Variants in ARNT2 observed in about 807,000 individuals in gnomAD.
ARNT2 encodes ARNT protein 2.
ARNT2 carries 36 observed loss-of-function variants against 91.7 expected under a neutral mutation model. That is an observed-to-expected ratio of 0.39 (90% confidence interval 0.30 to 0.52). The LOEUF (loss-of-function observed/expected upper bound fraction) is 0.52, where lower values mean the gene tolerates loss of function less well. ARNT2 is among the 20% of genes least tolerant of loss of function. The pLI is 0.72. For synonymous variants in ARNT2, 365 were observed against 347.1 expected, an observed-to-expected ratio of 1.05 and a Z score of -0.57; for missense variants, 775 against 939.3, an observed-to-expected ratio of 0.83 and a Z score of 2.29.
At chr15:80,445,471 G>A (rs1345819835) in intron 1 of ARNT2, among the ~76,000 whole-genome samples, 1 of 147,582 alleles carries the variant, frequency 6.8e-6, no homozygotes, top group Non-Finnish European at 1.5e-5. Flanking sequence ...TGTGAGTGAC[G>A]TGTGTGGGGG....
intron 5 of ARNT2, among the ~76,000 whole-genome samples, chr15:80,505,927 G>GATTTTTTTTTTTTTTTTT (rs1897266872): frequency 1.1e-5 from 1 of 88,930 alleles, no homozygotes; most frequent in Non-Finnish European, 2.2e-5. Context: ...AACATTTGTT[G>GATTTTTTTTTTTTTTTTT]TTTTTTTTTT....
intron 5 of ARNT2, among the ~76,000 whole-genome samples, chr15:80,477,626 G>C (rs1896826686): frequency 6.8e-6 from 1 of 147,552 alleles, no homozygotes; most frequent in Non-Finnish European, 1.5e-5. Flanking sequence ...TCTCTCCTCT[G>C]TGTGCACGAA....
intron 2 of ARNT2, among the ~76,000 whole-genome samples, chr15:80,454,572 T>G (rs1595970101): frequency 6.6e-6 from 1 of 152,212 alleles, no homozygotes; most frequent in Non-Finnish European, 1.5e-5. Context: ...CTTGGTGAAC[T>G]TTTATGTGCT....
chr15:80,565,518 C>T lies in ARNT2; in HGVS notation c.1316+2279C>T, dbSNP rs190196376. Reference sequence around the variant, plus strand: ...CTTTTCTCTGCAACCTTGCCAGCATCTGTTTTTGTTTTTGTTATTGTTTTT... The same window carrying T: ...CTTTTCTCTGCAACCTTGCCAGCATTTGTTTTTGTTTTTGTTATTGTTTTT... On this transcript the variant is annotated intron_variant, in intron 12 of 18. Transcript: ENST00000303329. Among the ~76,000 whole-genome samples the T allele has an allele frequency of 1.8e-3, 274 of 149,276 alleles. 2 individuals are homozygous for T. Among genetic ancestry groups the T allele is most frequent in the African/African-American group, 6.5e-3 (266 of 41,042 alleles).
intron 1 of ARNT2, among the ~76,000 whole-genome samples, chr15:80,417,452 T>A (rs979284917): frequency 7.9e-5 from 12 of 152,220 alleles, no homozygotes; most frequent in Admixed American, 6.5e-4. Flanking sequence ...GAGGTTATAA[T>A]TTGTCTGCAG....
In ARNT2 at chr15:80,575,019, T is replaced by A; in HGVS notation, c.1422T>A (p.His474Gln). 6.2e-7 allele frequency: 1 copy of A among 1,614,180 alleles called. No individual in the cohort carries two copies. Among genetic ancestry groups the A allele is most frequent in the Non-Finnish European group, 8.5e-7 (1 of 1,180,018 alleles). ...VPVPNLPAGV[H>Q]EAGKSVEKAD... The stretch of plus-strand genomic sequence containing the variant: ...TCCCCAACCTACCAGCCGGTGTTCA[T>A]GAGGCCGGGAAGTCCGTGGAAAAGG... The change falls in exon 14 of 19, where the codon CAT becomes CAA. Residue 474 changes from histidine to glutamine, a missense_variant. Physicochemically the swap from His to Gln is conservative, Grantham distance 24. Transcript: ENST00000303329.
chr15:80,415,313 A>G (rs1011291037), intron 1 of ARNT2, among the ~76,000 whole-genome samples: 1 of 152,236 alleles, frequency 6.6e-6, no homozygotes, highest in African/African-American at 2.4e-5. Flanking sequence ...TATCCACCTA[A>G]TTAAACAAAT....
At chr15:80,574,383 G>T (rs1319826202) in intron 13 of ARNT2, among the ~76,000 whole-genome samples, 163 bp downstream of exon 13, 1 of 152,208 alleles carries the variant, frequency 6.6e-6, no homozygotes, top group Non-Finnish European at 1.5e-5. Context: ...GTCTGCTGCT[G>T]TCACTCCTCC....
intron 17 of ARNT2, among the ~76,000 whole-genome samples, chr15:80,587,131 CTG>C: frequency 6.6e-6 from 1 of 152,330 alleles, no homozygotes; most frequent in South Asian, 2.1e-4. Flanking sequence ...CTCAGGAAGA[CTG>C]TGATCCTTGC....
intron 1 of ARNT2, among the ~76,000 whole-genome samples, chr15:80,406,140 G>A (rs1359023574): frequency 2.0e-5 from 3 of 152,172 alleles, no homozygotes; most frequent in African/African-American, 7.2e-5. Flanking sequence ...TCCAGATTTG[G>A]CACTGATTAG....
chr15:80,468,161 C>T (rs905340803), intron 3 of ARNT2, among the ~76,000 whole-genome samples: 4 of 152,130 alleles, frequency 2.6e-5, no homozygotes, highest in South Asian at 2.1e-4. Context: ...GGCATTTGTG[C>T]CGTGGCTGGT....
At chr15:80,425,853 G>A (rs977713609) in intron 1 of ARNT2, among the ~76,000 whole-genome samples, 6 of 152,284 alleles carry the variant, frequency 3.9e-5, no homozygotes, top group Admixed American at 3.9e-4. Flanking sequence ...CTCGAGACCA[G>A]CCTGGGCAAC....
chr15:80,463,914 C>A (rs936048440), intron 3 of ARNT2, among the ~76,000 whole-genome samples: 2 of 152,124 alleles, frequency 1.3e-5, no homozygotes, highest in African/African-American at 4.8e-5. Flanking sequence ...ACATGATGGA[C>A]CTGCACCTTG....
At chr15:80,579,130 A>G (rs1898743282) in intron 15 of ARNT2, among the ~76,000 whole-genome samples, 1 of 152,198 alleles carries the variant, frequency 6.6e-6, no homozygotes, top group African/African-American at 2.4e-5. Flanking sequence ...CTTTCTGCCA[A>G]GGCGCCTTTC....
intron 1 of ARNT2, chr15:80,436,123 C>T (rs907938772): frequency 3.3e-5 from 5 of 152,210 alleles, no homozygotes; most frequent in Non-Finnish European, 7.3e-5. Context: ...TGGATTGATG[C>T]TTCATCAGCC....
chr15:80,544,709 T>G (rs995065162), intron 8 of ARNT2, among the ~76,000 whole-genome samples: 1 of 152,216 alleles, frequency 6.6e-6, no homozygotes, highest in African/African-American at 2.4e-5. Flanking sequence ...CCTAAAGTAC[T>G]GTGGGCACAT....
chr15:80,481,066 C>T (rs1896878960), intron 5 of ARNT2, among the ~76,000 whole-genome samples: 1 of 151,918 alleles, frequency 6.6e-6, no homozygotes, highest in Admixed American at 6.6e-5. Context: ...GAGCCTGAGC[C>T]AGGTTGGTCC....
chr15:80,525,349 T>A (rs1335217926), intron 8 of ARNT2, among the ~76,000 whole-genome samples: 2 of 152,222 alleles, frequency 1.3e-5, no homozygotes, highest in African/African-American at 2.4e-5. Flanking sequence ...TCTGTGGCTA[T>A]TAATACTCTG....
At chr15:80,549,366 T>C (rs951578229) in intron 8 of ARNT2, among the ~76,000 whole-genome samples, 1 of 152,196 alleles carries the variant, frequency 6.6e-6, no homozygotes, top group African/African-American at 2.4e-5. Flanking sequence ...AAAAGGTTGA[T>C]AAATCTTACC....
Sources: gnomAD v4.1 joint callset for allele counts (sites outside exome capture counted in the v4.1 genomes callset) on GRCh38, gnomAD v4.1.1 for gene constraint, MANE v1.5 for transcripts, NCBI Gene and HGNC (gene_info 2026-07-23, HGNC 2026-07-21) for gene names.